AFG2B: variants seen among roughly 807,000 people sequenced by gnomAD.
AFG2B encodes the protein ATPase family gene 2 protein homolog B.
the AFG2B span, among the ~76,000 whole-genome samples, chr15:45,411,063 A>C: frequency 2.0e-5 from 3 of 152,174 alleles, no homozygotes; most frequent in East Asian, 1.9e-4. Context: ...TTAGCTGGGC[A>C]TGCTGGCAGG....
At chr15:45,410,350 T>G in the AFG2B span, 1 of 1,600,502 alleles carries the variant, frequency 6.2e-7, no homozygotes, top group Non-Finnish European at 8.5e-7. Context: ...TTGATTTTGC[T>G]TTTTTGGGTG....
At chr15:45,416,543 C>T in the AFG2B span, among the ~76,000 whole-genome samples, 1 of 152,124 alleles carries the variant, frequency 6.6e-6, no homozygotes, top group Non-Finnish European at 1.5e-5. Context: ...AGGAATATGT[C>T]ACACTAGAAT....
chr15:45,405,203 C>A, the AFG2B span: 2 of 1,000,944 alleles, frequency 2.0e-6, no homozygotes, highest in African/African-American at 3.3e-5. Flanking sequence ...CCAACCCTTC[C>A]CAGTGTCTGG....
chr15:45,411,599 G>A, the AFG2B span, among the ~76,000 whole-genome samples: 2 of 152,254 alleles, frequency 1.3e-5, no homozygotes, highest in African/African-American at 4.8e-5. Flanking sequence ...TTATAGTCAT[G>A]AGCCACCATG....
chr15:45,407,208 A>G, the AFG2B span: 2 of 1,240,322 alleles, frequency 1.6e-6, no homozygotes, highest in Non-Finnish European at 2.1e-6. Context: ...GCATGAAGGG[A>G]CAGACAACTG....
chr15:45,414,130 G>A, the AFG2B span, among the ~76,000 whole-genome samples: 3,455 of 152,280 alleles, frequency 0.023, 49 homozygotes, highest in Middle Eastern at 0.054. Flanking sequence ...AGTAGGAGGA[G>A]GGGGTTCCGC....
At chr15:45,417,224 T>C in the AFG2B span, 4 of 1,589,604 alleles carry the variant, frequency 2.5e-6, no homozygotes, top group Non-Finnish European at 2.6e-6. Context: ...AGAAAACTTA[T>C]TAACAACTGA....
At chr15:45,408,824 C>G in the AFG2B span, among the ~76,000 whole-genome samples, 2 of 152,120 alleles carry the variant, frequency 1.3e-5, no homozygotes, top group Non-Finnish European at 2.9e-5. Flanking sequence ...GTTCGAGGCT[C>G]AATGAGCTGT....
chr15:45,420,894 A>C, the AFG2B span: 1 of 679,272 alleles, frequency 1.5e-6, no homozygotes, highest in South Asian at 2.0e-5. Flanking sequence ...TGGGAGGCTG[A>C]GGCAGGAGAA....
chr15:45,410,891 A>G, the AFG2B span, among the ~76,000 whole-genome samples: 1 of 151,922 alleles, frequency 6.6e-6, no homozygotes. Context: ...CCTTGTCGCT[A>G]TTTAAAAAAA....
At chr15:45,405,274 A>G in the AFG2B span, 1 of 1,549,424 alleles carries the variant, frequency 6.5e-7, no homozygotes, top group South Asian at 1.2e-5. Flanking sequence ...AATATATTTT[A>G]AACTATATAC....
the AFG2B span, chr15:45,407,142 G>A: frequency 7.8e-7 from 1 of 1,286,338 alleles, no homozygotes; most frequent in Non-Finnish European, 1.0e-6. Flanking sequence ...AGTTACCACA[G>A]GTGATGGCTG....
At chr15:45,402,947 A>G in the AFG2B span, 1 of 1,598,016 alleles carries the variant, frequency 6.3e-7, no homozygotes, top group Non-Finnish European at 8.5e-7. Flanking sequence ...CCCAGTCCCG[A>G]TCCCGCTGGG....
chr15:45,406,941 T>C, the AFG2B span: 11 of 1,078,342 alleles, frequency 1.0e-5, 1 homozygote, highest in South Asian at 1.3e-4. Flanking sequence ...TGTGTAAAGA[T>C]GTGAGAATAG....
chr15:45,416,284 A>T, the AFG2B span, among the ~76,000 whole-genome samples: 1 of 152,202 alleles, frequency 6.6e-6, no homozygotes, highest in Non-Finnish European at 1.5e-5. Flanking sequence ...AATGAATGAA[A>T]AACAAAGGAG....
the AFG2B span, chr15:45,417,323 C>G: frequency 4.3e-6 from 7 of 1,613,838 alleles, no homozygotes; most frequent in African/African-American, 1.3e-5. Context: ...ACAAATAGAC[C>G]TGATGTGTTA....
At chr15:45,420,627 A>G in the AFG2B span, among the ~76,000 whole-genome samples, 1 of 152,134 alleles carries the variant, frequency 6.6e-6, no homozygotes, top group South Asian at 2.1e-4. Context: ...AGTGACATGA[A>G]AATTAGAATC....
chr15:45,421,233 A>G, the AFG2B span: 5 of 1,516,262 alleles, frequency 3.3e-6, no homozygotes, highest in African/African-American at 1.4e-5. Flanking sequence ...ACTCTTGTTC[A>G]GTTCACATTA....
At chr15:45,402,735 G>A in the AFG2B span, 8 of 1,565,292 alleles carry the variant, frequency 5.1e-6, no homozygotes, top group Non-Finnish European at 6.9e-6. Flanking sequence ...TCCTCCTAGT[G>A]CCCTGTCCGC....
Sources: allele counts gnomAD v4.1 joint callset (sites outside exome capture counted in the v4.1 genomes callset), GRCh38; gene constraint gnomAD v4.1.1; transcripts MANE v1.5; gene names NCBI Gene and HGNC (gene_info 2026-07-23, HGNC 2026-07-21).